TMEM123: variants seen among roughly 807,000 people sequenced by gnomAD.
TMEM123 encodes transmembrane protein 123, also known as porimin.
TMEM123 carries 16 observed loss-of-function variants against 19.7 expected under a neutral mutation model. The observed-to-expected ratio is 0.81, with a 90% CI of 0.55 to 1.23. The LOEUF (loss-of-function observed/expected upper bound fraction) is 1.23. Among genes scored for constraint, TMEM123 ranks in the 50% most tolerant of loss-of-function variants. The pLI, the probability that TMEM123 is intolerant of heterozygous loss-of-function variation, is 0.00. For missense variants in TMEM123, 313 were observed against 257.8 expected (o/e 1.21, Z -1.47); for synonymous variants, 118 against 99.4 (o/e 1.19, Z -1.12).
chr11:102,425,709 G>C (rs1037226882), intron 2 of TMEM123, among the ~76,000 whole-genome samples: 1 of 150,348 alleles, frequency 6.7e-6, no homozygotes, highest in Non-Finnish European at 1.5e-5. Context: ...TCACCCACCC[G>C]AGAAGCTGAG....
intron 2 of TMEM123, among the ~76,000 whole-genome samples, chr11:102,403,629 G>A (rs968390220): frequency 6.6e-6 from 1 of 152,102 alleles, no homozygotes; most frequent in Non-Finnish European, 1.5e-5. Context: ...GCTATGGTTT[G>A]GATTTGGTTT....
intron 2 of TMEM123, among the ~76,000 whole-genome samples, chr11:102,410,406 C>A (rs143084488): frequency 0.011 from 1,699 of 151,988 alleles, 22 homozygotes; most frequent in South Asian, 0.021. Flanking sequence ...GCAAAGTTGA[C>A]GGGGCACTGT....
In TMEM123 at chr11:102,398,644, A is replaced by G; in HGVS notation, c.*223T>C. ...TTTGTCTTACTATGAACTTGCTAAA[A>G]CCATTGTATGAACGGTCTATAAGGA... On this transcript the variant is annotated 3_prime_UTR_variant, in exon 5 of 5. Transcript: ENST00000398136. 1 of 510,684 alleles carries G rather than the reference A, an allele frequency of 2.0e-6. No homozygotes were observed. Among genetic ancestry groups the G allele is most frequent in the South Asian group, 3.0e-5 (1 of 33,588 alleles). 31.6% of individuals were successfully genotyped at this position (510,684 alleles called of 1,614,324 possible).
rs1000775888 is a variant in TMEM123, at chr11:102,410,039, T to C, written c.158-7833A>G. On this transcript the variant is annotated intron_variant, in intron 2 of 4. Coordinates refer to ENST00000398136, the MANE Select transcript of TMEM123 (RefSeq NM_052932.3). ...AAATTTAAAAAGGGAAAAACAATTGTATATGATCACAGAAAAGTAACAACT... is the reference window on the plus strand; with the variant it reads ...AAATTTAAAAAGGGAAAAACAATTGCATATGATCACAGAAAAGTAACAACT... 3.3e-5 allele frequency among the ~76,000 whole-genome samples: 5 copies of C among 152,170 alleles called. No individual in the cohort carries two copies. The East Asian group carries it at 9.6e-4, about 29-fold the overall frequency.
Position 102,452,619 on chromosome 11 carries a change from C to T in TMEM123, c.5G>A (p.Gly2Glu), listed in dbSNP as rs1320363982. ...GGCCCAAGCACCTCGCGCGCCGAGTCCCATTGTTCCGAGGGCAGGATGCGG... is the reference window on the plus strand; with the variant it reads ...GGCCCAAGCACCTCGCGCGCCGAGTTCCATTGTTCCGAGGGCAGGATGCGG... M[G>E]LGARGAWAAL... The change falls in exon 1 of 5, where the codon GGA becomes GAA. Residue 2 changes from glycine (G) to glutamate (E), a missense_variant. Gly to Glu is a moderately conservative substitution (Grantham distance 98). Transcript: ENST00000398136. 1 of 1,547,188 alleles carries T rather than the reference C, an allele frequency of 6.5e-7. No homozygotes were observed. Among genetic ancestry groups the T allele is most frequent in the Non-Finnish European group, 8.7e-7 (1 of 1,149,040 alleles).
At chr11:102,443,230 C>CA (rs1377056363) in intron 2 of TMEM123, among the ~76,000 whole-genome samples, 3 of 152,216 alleles carry the variant, frequency 2.0e-5, no homozygotes, top group Admixed American at 6.5e-5. Context: ...AAATAGCCCA[C>CA]ATTGCCAAGA....
chr11:102,445,964 G>C (rs563888400), intron 2 of TMEM123, among the ~76,000 whole-genome samples: 10 of 152,154 alleles, frequency 6.6e-5, no homozygotes, highest in African/African-American at 2.2e-4. Flanking sequence ...AACGGCTTTG[G>C]AAAGGAGTTG....
rs528572342 is a variant in TMEM123, at chr11:102,441,376, A to T, written c.157+7436T>A. Among the ~76,000 whole-genome samples, 6 of 152,358 alleles carry T rather than the reference A, an allele frequency of 3.9e-5. No individual in the cohort carries two copies. The South Asian group carries it at 6.2e-4, about 16-fold the overall frequency. ...CCACAGTGCAATCAAACTAGAACTT[A>T]GGATTAAGAAACTCACTCAAAACCG... On this transcript the variant is annotated intron_variant, in intron 2 of 4. Transcript: ENST00000398136.
chr11:102,439,341 C>A (rs1857799495), intron 2 of TMEM123, among the ~76,000 whole-genome samples: 1 of 151,286 alleles, frequency 6.6e-6, no homozygotes, highest in Non-Finnish European at 1.5e-5. Flanking sequence ...GAGACACCTC[C>A]CAGCTTCCAG....
At chr11:102,422,633 C>T (rs1274913173) in intron 2 of TMEM123, among the ~76,000 whole-genome samples, 1 of 152,116 alleles carries the variant, frequency 6.6e-6, no homozygotes, top group Non-Finnish European at 1.5e-5. Flanking sequence ...TCACACATTT[C>T]TCTTTATTTT....
chr11:102,452,456 T>C (rs1377196850), intron 1 of TMEM123, 68 bp downstream of exon 1: 4 of 1,317,736 alleles, frequency 3.0e-6, no homozygotes, highest in Admixed American at 5.8e-5. Flanking sequence ...GAGCCCAACT[T>C]GGGAACCCAA....
rs1034438143 is a variant in TMEM123 at position 102,397,152 on chromosome 11, T to A, written c.*1715A>T. 1 of 152,196 alleles carries A rather than the reference T, an allele frequency of 6.6e-6. No homozygotes were observed. Among genetic ancestry groups the A allele is most frequent in the Non-Finnish European group, 1.5e-5 (1 of 68,026 alleles). 9.4% of individuals were successfully genotyped at this position (152,196 alleles called of 1,614,324 possible). A position where few individuals can be genotyped will look rare whatever the true frequency, so the allele number is the denominator to read the frequency against. ...TTTCCTCCATACTCCATGTATGTGT[T>A]ACATACATCCAATCATATCCATATT... On this transcript the variant is annotated 3_prime_UTR_variant, in exon 5 of 5. Transcript: ENST00000398136.
intron 2 of TMEM123, among the ~76,000 whole-genome samples, chr11:102,436,909 G>A (rs566443796): frequency 1.3e-5 from 2 of 152,236 alleles, no homozygotes; most frequent in Non-Finnish European, 2.9e-5. Flanking sequence ...CTGTGAGCCA[G>A]ATGGCTGCAT....
chr11:102,414,515 T>A (rs1252378370), intron 2 of TMEM123, among the ~76,000 whole-genome samples: 1 of 152,186 alleles, frequency 6.6e-6, no homozygotes, highest in Non-Finnish European at 1.5e-5. Flanking sequence ...AGAAACCCTC[T>A]AAGCCAGAAG....
At chr11:102,416,139 T>C (rs1460083863) in intron 2 of TMEM123, among the ~76,000 whole-genome samples, 3 of 152,162 alleles carry the variant, frequency 2.0e-5, no homozygotes, top group Non-Finnish European at 4.4e-5. Context: ...GGTGTCAAAC[T>C]CCCGACCTCA....
chr11:102,405,282 G>T (rs1269967256), intron 2 of TMEM123, among the ~76,000 whole-genome samples: 3 of 151,442 alleles, frequency 2.0e-5, no homozygotes, highest in Non-Finnish European at 2.9e-5. Flanking sequence ...CTGATCTCCT[G>T]ACCTTGTGAT....
At chr11:102,412,593 G>GA (rs1461810294) in intron 2 of TMEM123, among the ~76,000 whole-genome samples, 5 of 151,354 alleles carry the variant, frequency 3.3e-5, no homozygotes, top group Admixed American at 6.6e-5. Context: ...CTACTGGCCA[G>GA]AAAAAAAAGA....
At chr11:102,407,226 A>G (rs866039865) in intron 2 of TMEM123, among the ~76,000 whole-genome samples, 1 of 152,240 alleles carries the variant, frequency 6.6e-6, no homozygotes. Context: ...AAGGCTTCTA[A>G]GCCCGAAGTA....
rs548706576 is a variant in TMEM123, at chr11:102,452,446, G to A, written c.100+78C>T. The A allele has an allele frequency of 1.2e-4, 146 of 1,245,270 alleles. No individual in the cohort carries two copies. The African/African-American group carries it at 2.0e-3, about 17-fold the overall frequency. 77.1% of individuals were successfully genotyped at this position (1,245,270 alleles called of 1,614,324 possible). On this transcript the variant is annotated intron_variant, in intron 1 of 4. Transcript: ENST00000398136. ...GACACACGCGGAACTTTCTGTACCA[G>A]AGCCCAACTTGGGAACCCAAGCCTC...
Sources: gnomAD v4.1 joint callset for allele counts (sites outside exome capture counted in the v4.1 genomes callset) on GRCh38, gnomAD v4.1.1 for gene constraint, MANE v1.5 for transcripts, NCBI Gene and HGNC (gene_info 2026-07-23, HGNC 2026-07-21) for gene names.